Variants in STK33 observed in about 807,000 individuals in gnomAD.
The protein encoded by STK33 is serine/threonine-protein kinase 33.
STK33 carries 52 observed loss-of-function variants against 58.0 expected under a neutral mutation model. The ratio of observed to expected loss-of-function variants is 0.90; its 90% CI spans 0.72 to 1.13. STK33 has a LOEUF of 1.13. Among genes scored for constraint, STK33 ranks in the 50% most tolerant of loss-of-function variants. The pLI is 0.00. For missense variants in STK33, 630 were observed against 604.2 expected, an observed-to-expected ratio of 1.04 and a Z score of -0.45; for synonymous variants, 215 against 200.1, an observed-to-expected ratio of 1.07 and a Z score of -0.63.
intron 15 of STK33, among the ~76,000 whole-genome samples, chr11:8,397,146 G>C (rs1849502514): frequency 6.6e-6 from 1 of 152,252 alleles, no homozygotes; most frequent in Admixed American, 6.5e-5. Flanking sequence ...GGACATCTGA[G>C]AATGGACAGA....
chr11:8,344,229 A>ACACACACC, the STK33 span, among the ~76,000 whole-genome samples: 723 of 150,464 alleles, frequency 4.8e-3, 5 homozygotes, highest in African/African-American at 0.017. Flanking sequence ...ACACACACAC[A>ACACACACC]CCCCAGTTAG....
intron 11 of STK33, among the ~76,000 whole-genome samples, chr11:8,445,782 C>T (rs572993646): frequency 6.6e-6 from 1 of 152,232 alleles, no homozygotes; most frequent in East Asian, 1.9e-4. Context: ...TTCAGTTTGC[C>T]AGTATTTTAT....
chr11:8,542,311 T>C (rs1955583031), intron 1 of STK33, among the ~76,000 whole-genome samples: 3 of 152,152 alleles, frequency 2.0e-5, no homozygotes, highest in Admixed American at 1.3e-4. Flanking sequence ...GACCAGGAAA[T>C]ACTGACAGAC....
At chr11:8,490,512 C>T (rs1255163899) in intron 1 of STK33, among the ~76,000 whole-genome samples, 1 of 152,194 alleles carries the variant, frequency 6.6e-6, no homozygotes, top group African/African-American at 2.4e-5. Context: ...GAAAAGGCAG[C>T]AGAAACTTCT....
At chr11:8,557,889 A>G (rs1174118925) in intron 1 of STK33, among the ~76,000 whole-genome samples, 1 of 152,218 alleles carries the variant, frequency 6.6e-6, no homozygotes, top group African/African-American at 2.4e-5. Flanking sequence ...CTTTCTTCAT[A>G]TAATAATAAA....
chr11:8,588,842 A>G (rs990914225), intron 1 of STK33, among the ~76,000 whole-genome samples: 3 of 152,222 alleles, frequency 2.0e-5, no homozygotes, highest in African/African-American at 7.2e-5. Context: ...CAAATTAAAA[A>G]CAGACAAAAT....
chr11:8,498,147 A>G (rs1951205831), intron 1 of STK33, among the ~76,000 whole-genome samples: 1 of 152,230 alleles, frequency 6.6e-6, no homozygotes. Context: ...TCATTTTGAT[A>G]TATGCAGAAA....
At chr11:8,379,359 C>A in the STK33 span, among the ~76,000 whole-genome samples, 1 of 152,106 alleles carries the variant, frequency 6.6e-6, no homozygotes, top group Non-Finnish European at 1.5e-5. Context: ...AAACAGACAA[C>A]CCACAGAAGG....
At chr11:8,391,325 G>GGTTCCCCCAAGGAACCTGGGGGC (rs1199919316), downstream of STK33, among the ~76,000 whole-genome samples, 2 of 152,192 alleles carry the variant, frequency 1.3e-5, no homozygotes, top group African/African-American at 4.8e-5. Context: ...GCCTTGGCCA[G>GGTTCCCCCAAGGAACCTGGGGGC]CAGGTTCCCC....
At chr11:8,365,184 C>T in the STK33 span, among the ~76,000 whole-genome samples, 3 of 152,350 alleles carry the variant, frequency 2.0e-5, no homozygotes, top group South Asian at 6.2e-4. Context: ...CTGCCCTCCA[C>T]AGGCCTCACT....
chr11:8,572,967 TTCCAA>T (rs1246616024), intron 1 of STK33, among the ~76,000 whole-genome samples: 2 of 152,032 alleles, frequency 1.3e-5, no homozygotes, highest in African/African-American at 4.8e-5. Context: ...TTTTTCTGCT[TTCCAA>T]AAGCAGAAAA....
chr11:8,457,312 G>A (rs761563266), intron 9 of STK33, 29 bp downstream of exon 9: 5 of 1,503,682 alleles, frequency 3.3e-6, no homozygotes, highest in Non-Finnish European at 4.5e-6. Context: ...TATTCATGGG[G>A]TCAATGAGCT....
At chr11:8,502,839 A>G (rs1246167655) in intron 1 of STK33, among the ~76,000 whole-genome samples, 1 of 152,202 alleles carries the variant, frequency 6.6e-6, no homozygotes, top group African/African-American at 2.4e-5. Context: ...ACTTTTCAAA[A>G]TATGACATAC....
chr11:8,549,275 T>A (rs879491683), intron 1 of STK33, among the ~76,000 whole-genome samples: 4 of 152,204 alleles, frequency 2.6e-5, no homozygotes, highest in Admixed American at 1.3e-4. Context: ...GTGTCATATT[T>A]ATTAATTTAC....
At chr11:8,375,409 G>C in the STK33 span, among the ~76,000 whole-genome samples, 1 of 152,144 alleles carries the variant, frequency 6.6e-6, no homozygotes, top group Admixed American at 6.5e-5. Flanking sequence ...TTGACAGAAA[G>C]AAACTTATTA....
intron 1 of STK33, among the ~76,000 whole-genome samples, chr11:8,538,484 A>C (rs1377245949): frequency 2.0e-5 from 3 of 152,170 alleles, no homozygotes; most frequent in Admixed American, 1.3e-4. Context: ...CTGTAGCTTT[A>C]TTTGTGTAAA....
intron 11 of STK33, among the ~76,000 whole-genome samples, chr11:8,443,328 C>T (rs1350819400): frequency 6.6e-6 from 1 of 152,082 alleles, no homozygotes; most frequent in Non-Finnish European, 1.5e-5. Flanking sequence ...ATATCCAACG[C>T]ATCATTTGCA....
intron 1 of STK33, among the ~76,000 whole-genome samples, chr11:8,558,541 G>C (rs906242802): frequency 6.6e-6 from 1 of 152,094 alleles, no homozygotes; most frequent in Non-Finnish European, 1.5e-5. Flanking sequence ...ATAGGCATTT[G>C]AAAGACTGTA....
Position 8,452,848 on chromosome 11 carries a change from G to A in STK33, c.845C>T (p.Ala282Val). Residue 282 changes from alanine (A) to valine (V), a missense_variant, in exon 11 of 16, where the codon GCC (alanine) becomes GTC (valine). Coordinates refer to ENST00000687296, the MANE Select transcript of STK33 (RefSeq NM_001352389.2). Reference protein sequence around the residue: ...KQSRSEAMLQATCGTPIYMAP... With the variant: ...KQSRSEAMLQVTCGTPIYMAP... ...CATATAGATAGGAGTCCCACATGTGGCCTGCAGCATGGCTTCACTCCTACT... is the reference window on the plus strand; with the variant it reads ...CATATAGATAGGAGTCCCACATGTGACCTGCAGCATGGCTTCACTCCTACT... The A allele has an allele frequency of 6.2e-7, 1 of 1,614,030 alleles. No homozygotes were observed. The highest frequency in any genetic ancestry group is 8.5e-7 in the Non-Finnish European group (1 of 1,179,962).
Sources: gnomAD v4.1 joint callset for allele counts (sites outside exome capture counted in the v4.1 genomes callset) on GRCh38, gnomAD v4.1.1 for gene constraint, MANE v1.5 for transcripts, NCBI Gene and HGNC (gene_info 2026-07-23, HGNC 2026-07-21) for gene names.